Variants in LRP1B observed in about 807,000 individuals in gnomAD.
The protein encoded by LRP1B is LDL receptor related protein 1B.
A neutral mutation model predicts 556.6 loss-of-function variants in LRP1B; 217 were observed. The observed-to-expected ratio is 0.39, with a 90% confidence interval of 0.35 to 0.44. The LOEUF (loss-of-function observed/expected upper bound fraction) is 0.44. LRP1B is among the 20% of genes least tolerant of loss of function. The pLI is 1.00. For synonymous variants in LRP1B, 2,047 were observed against 1,865.8 expected, an observed-to-expected ratio of 1.10 and a Z score of -2.50; for missense variants, 5,053 against 5,620.8, an observed-to-expected ratio of 0.90 and a Z score of 3.23.
chr2:140,414,216 C>T (rs2105253034), intron 66 of LRP1B, among the ~76,000 whole-genome samples: 1 of 152,200 alleles, frequency 6.6e-6, no homozygotes, highest in East Asian at 1.9e-4. Context: ...ACACAGGGCC[C>T]ATCTTTTTTC....
intron 66 of LRP1B, among the ~76,000 whole-genome samples, chr2:140,414,191 C>T (rs1240660780): frequency 1.3e-5 from 2 of 152,168 alleles, no homozygotes; most frequent in African/African-American, 4.8e-5. Flanking sequence ...ACTGGGATTA[C>T]AGGCATGCAC....
At chr2:140,692,415 A>C (rs1686277933) in intron 41 of LRP1B, among the ~76,000 whole-genome samples, 1 of 152,160 alleles carries the variant, frequency 6.6e-6, no homozygotes, top group Non-Finnish European at 1.5e-5. Context: ...GAACCATTTC[A>C]AAATTTCAAA....
intron 3 of LRP1B, among the ~76,000 whole-genome samples, chr2:141,413,522 A>G (rs1416614444): frequency 6.6e-6 from 1 of 152,092 alleles, no homozygotes; most frequent in Non-Finnish European, 1.5e-5. Context: ...ATCCTGGGAG[A>G]CTTTGTTTGA....
At chr2:140,679,951 TTTAC>T (rs1399232715) in intron 41 of LRP1B, among the ~76,000 whole-genome samples, 11 of 151,906 alleles carry the variant, frequency 7.2e-5, no homozygotes, top group Non-Finnish European at 1.5e-4. Context: ...ATTTATTTAA[TTTAC>T]TTATTTATTT....
intron 3 of LRP1B, among the ~76,000 whole-genome samples, chr2:141,442,313 A>C (rs1302002528): frequency 1.3e-5 from 2 of 152,160 alleles, no homozygotes; most frequent in Non-Finnish European, 2.9e-5. Flanking sequence ...TACTTTTTAC[A>C]AAAGATTTAC....
At chr2:140,385,176 T>C (rs1431888190) in intron 67 of LRP1B, among the ~76,000 whole-genome samples, 2 of 152,154 alleles carry the variant, frequency 1.3e-5, no homozygotes, top group East Asian at 3.9e-4. Flanking sequence ...TCCTGGGAGA[T>C]CAAGGCGGCA....
intron 2 of LRP1B, among the ~76,000 whole-genome samples, chr2:141,747,464 A>T (rs1693956416): frequency 6.6e-6 from 1 of 152,156 alleles, no homozygotes; most frequent in Non-Finnish European, 1.5e-5. Flanking sequence ...CTCTGCAAAT[A>T]TGTGATCTTT....
intron 2 of LRP1B, among the ~76,000 whole-genome samples, chr2:141,722,403 C>G (rs1237256899): frequency 6.6e-6 from 1 of 151,958 alleles, no homozygotes; most frequent in Non-Finnish European, 1.5e-5. Flanking sequence ...TCTGAAGAGT[C>G]TCAGTCCCTT....
intron 59 of LRP1B, among the ~76,000 whole-genome samples, chr2:140,479,616 GA>G (rs1688139657): frequency 1.3e-5 from 2 of 152,112 alleles, no homozygotes; most frequent in Non-Finnish European, 2.9e-5. Flanking sequence ...ATTTTTCTCT[GA>G]ATTCAAGTAT....
At chr2:140,832,912 A>G (rs1255653355) in intron 31 of LRP1B, among the ~76,000 whole-genome samples, 8 of 152,182 alleles carry the variant, frequency 5.3e-5, no homozygotes, top group African/African-American at 1.9e-4. Context: ...GAAAAGTTAC[A>G]GATTTGAGGC....
intron 3 of LRP1B, among the ~76,000 whole-genome samples, chr2:141,357,012 G>A (rs1326069835): frequency 6.6e-6 from 1 of 151,476 alleles, no homozygotes; most frequent in Non-Finnish European, 1.5e-5. Context: ...GGAAATATGT[G>A]TTCACTTTTT....
chr2:140,785,854 G>A (rs975110367), intron 32 of LRP1B, among the ~76,000 whole-genome samples: 8 of 152,066 alleles, frequency 5.3e-5, no homozygotes, highest in Non-Finnish European at 8.8e-5. Context: ...CATCAGAGGC[G>A]AGGCCAGACG....
chr2:141,714,346 C>G (rs1692485994), intron 2 of LRP1B, among the ~76,000 whole-genome samples: 1 of 151,518 alleles, frequency 6.6e-6, no homozygotes, highest in Non-Finnish European at 1.5e-5. Flanking sequence ...CCACAACACT[C>G]AAAACAAAAT....
chr2:141,903,224 A>T (rs7578697), intron 1 of LRP1B, among the ~76,000 whole-genome samples: 2 of 151,580 alleles, frequency 1.3e-5, no homozygotes, highest in Non-Finnish European at 2.9e-5. Flanking sequence ...ATTAATTCTC[A>T]AACATCCCTA....
At chr2:140,807,143 G>C (rs935475324) in intron 32 of LRP1B, among the ~76,000 whole-genome samples, 3 of 152,004 alleles carry the variant, frequency 2.0e-5, no homozygotes, top group African/African-American at 7.3e-5. Context: ...TTAGTGACCA[G>C]GAAAATGTCA....
At chr2:140,971,294 T>G (rs1696415564) in intron 18 of LRP1B, among the ~76,000 whole-genome samples, 1 of 151,962 alleles carries the variant, frequency 6.6e-6, no homozygotes, top group Non-Finnish European at 1.5e-5. Flanking sequence ...GAAGTTATGT[T>G]GCCCCAAGCC....
intron 66 of LRP1B, among the ~76,000 whole-genome samples, chr2:140,429,143 C>T (rs924041968): frequency 6.6e-5 from 10 of 152,250 alleles, no homozygotes; most frequent in East Asian, 3.9e-4. Context: ...TCCTGCAGCA[C>T]GCTTTAAAAA....
At chr2:141,781,451 T>A (rs1301597876) in intron 2 of LRP1B, among the ~76,000 whole-genome samples, 2 of 152,180 alleles carry the variant, frequency 1.3e-5, no homozygotes, top group Non-Finnish European at 1.5e-5. Context: ...TCTCTATGAG[T>A]TAGCATCTTC....
intron 41 of LRP1B, chr2:140,683,825 C>G (rs1011034003): frequency 4.5e-6 from 3 of 668,476 alleles, no homozygotes; most frequent in African/African-American, 1.8e-5. Context: ...GCCTTCCATG[C>G]GCTAGGCAGC....
Sources: allele counts gnomAD v4.1 joint callset (sites outside exome capture counted in the v4.1 genomes callset), GRCh38; gene constraint gnomAD v4.1.1; transcripts MANE v1.5; gene names NCBI Gene and HGNC (gene_info 2026-07-23, HGNC 2026-07-21).